TENM1: variants seen among roughly 807,000 people sequenced by gnomAD.
TENM1 encodes the protein teneurin-1.
Under a neutral mutation model 174.8 loss-of-function variants are expected in TENM1, and 35 were observed. That is an observed-to-expected ratio of 0.20 (90% CI 0.15 to 0.27). TENM1 has a LOEUF of 0.27. TENM1 is among the 10% of genes least tolerant of loss of function. TENM1 has a pLI of 1.00. For missense variants in TENM1, 1,633 were observed against 2,130.1 expected (o/e 0.77, Z 4.59); for synonymous variants, 781 against 798.7 (o/e 0.98, Z 0.37).
intron 15 of TENM1, among the ~76,000 whole-genome samples, chrX:124,544,377 G>T (rs2048385847): frequency 8.9e-6 from 1 of 112,079 alleles, no homozygotes; most frequent in Admixed American, 9.5e-5. Context: ...CATTTACTGG[G>T]CATCTCTGTT....
the TENM1 span, among the ~76,000 whole-genome samples, chrX:125,056,524 C>T: frequency 9.0e-6 from 1 of 111,287 alleles, no homozygotes; most frequent in East Asian, 2.8e-4. Flanking sequence ...TCCAGGGGCT[C>T]TTCCTCATTT....
At chrX:125,174,595 G>T in the TENM1 span, among the ~76,000 whole-genome samples, 15 of 111,426 alleles carry the variant, frequency 1.3e-4, no homozygotes, top group African/African-American at 4.6e-4. Context: ...TCATGTTTTA[G>T]TGGGGTCACA....
chrX:124,821,981 G>A lies in TENM1; in HGVS notation c.535+72315C>T, dbSNP rs1603229810. Among the ~76,000 whole-genome samples the A allele has an allele frequency of 3.6e-5, 4 of 111,794 alleles. No individual in the cohort carries two copies. The Admixed American group carries it at 3.8e-4, about 11-fold the overall frequency. The stretch of plus-strand genomic sequence containing the variant: ...TTCAAGAATGATAATAATAATAGCT[G>A]GGGCAGAGACTATTAGCTATCCACC... On this transcript the variant is annotated intron_variant, in intron 3 of 31. Transcript: ENST00000422452.
At chrX:124,936,629 C>T (rs779243889) in intron 1 of TENM1, among the ~76,000 whole-genome samples, 1 of 112,233 alleles carries the variant, frequency 8.9e-6, no homozygotes, top group East Asian at 2.8e-4. Context: ...TAAGCAAATG[C>T]AAAATAAATA....
intron 22 of TENM1, among the ~76,000 whole-genome samples, chrX:124,481,363 T>A (rs2046838432): frequency 9.0e-6 from 1 of 111,053 alleles, no homozygotes; most frequent in Non-Finnish European, 1.9e-5. Context: ...GGCTCTCTGC[T>A]GGGTCAGGTT....
chrX:125,189,724 G>A, the TENM1 span, among the ~76,000 whole-genome samples: 2 of 111,867 alleles, frequency 1.8e-5, no homozygotes, highest in Non-Finnish European at 3.8e-5. Context: ...GCAGAAGAAG[G>A]GCCTAAAAGC....
intron 22 of TENM1, 38 bp downstream of exon 25, chrX:124,481,694 G>GATAT (rs769053821): frequency 2.4e-4 from 33 of 137,556 alleles, no homozygotes; most frequent in Middle Eastern, 5.7e-3. Context: ...ATGACCCAAG[G>GATAT]GTATATATAT....
the TENM1 span, among the ~76,000 whole-genome samples, chrX:125,010,419 G>A: frequency 9.1e-6 from 1 of 109,717 alleles, no homozygotes; most frequent in Admixed American, 9.8e-5. Flanking sequence ...TCAGGGATAG[G>A]AAGAATCAAT....
At chrX:124,651,825 G>A (rs1275158266) in intron 8 of TENM1, 89 bp downstream of exon 11, 5 of 1,116,220 alleles carry the variant, frequency 4.5e-6, no homozygotes, top group Non-Finnish European at 5.9e-6. Flanking sequence ...TGAGCAATAA[G>A]CTTAAATAAC....
intron 16 of TENM1, among the ~76,000 whole-genome samples, chrX:124,524,827 C>T (rs1406915886): frequency 9.0e-6 from 1 of 111,202 alleles, no homozygotes; most frequent in African/African-American, 3.3e-5. Context: ...TTTGAGATGA[C>T]GTACTTGAGA....
chrX:124,518,335 C>A (rs2047763146), intron 18 of TENM1, among the ~76,000 whole-genome samples: 1 of 107,668 alleles, frequency 9.3e-6, no homozygotes, highest in African/African-American at 3.4e-5. Context: ...GGAATGCAGT[C>A]CATGGAAGCC....
chrX:125,117,116 A>T, the TENM1 span, among the ~76,000 whole-genome samples: 1 of 111,390 alleles, frequency 9.0e-6, no homozygotes, highest in Non-Finnish European at 1.9e-5. Context: ...TAGTTCAACC[A>T]TTGTGGAAGA....
intron 27 of TENM1, among the ~76,000 whole-genome samples, chrX:124,394,909 G>T: frequency 2.7e-5 from 1 of 37,501 alleles, no homozygotes; most frequent in Middle Eastern, 0.013. Flanking sequence ...CTCCCAATTA[G>T]AAATCAGAAA....
intron 3 of TENM1, among the ~76,000 whole-genome samples, chrX:124,821,495 GA>G (rs1445514290): frequency 8.9e-6 from 1 of 112,365 alleles, no homozygotes; most frequent in Non-Finnish European, 1.9e-5. Flanking sequence ...AATAGTTCAT[GA>G]AAAGAGAACT....
upstream of TENM1, chrX:124,963,957 C>T (rs1037915828): frequency 1.9e-5 from 8 of 414,020 alleles, no homozygotes; most frequent in Admixed American, 9.1e-5. Context: ...TGAAGCTAGC[C>T]GGAGGCAATA....
chrX:125,059,548 T>C, the TENM1 span, among the ~76,000 whole-genome samples: 1 of 111,177 alleles, frequency 9.0e-6, no homozygotes, highest in Non-Finnish European at 1.9e-5. Flanking sequence ...ATCTCTAGAC[T>C]TGTTCATGCT....
chrX:124,447,995 C>T (rs970263173), intron 23 of TENM1, among the ~76,000 whole-genome samples: 2 of 111,491 alleles, frequency 1.8e-5, no homozygotes, highest in African/African-American at 3.3e-5. Flanking sequence ...GGCACCTCAA[C>T]GTACCCCAAA....
chrX:124,435,390 A>T (rs2060826748), intron 23 of TENM1, among the ~76,000 whole-genome samples: 1 of 111,862 alleles, frequency 8.9e-6, no homozygotes, highest in African/African-American at 3.3e-5. Context: ...CTTTTATGAA[A>T]TGGTCTGATT....
chrX:125,079,536 T>G, the TENM1 span, among the ~76,000 whole-genome samples: 1 of 112,055 alleles, frequency 8.9e-6, no homozygotes, highest in Non-Finnish European at 1.9e-5. Flanking sequence ...ATGATTTATA[T>G]TGAATGATTT....
Sources: allele counts gnomAD v4.1 joint callset (sites outside exome capture counted in the v4.1 genomes callset), GRCh38; gene constraint gnomAD v4.1.1; transcripts MANE v1.5; gene names NCBI Gene and HGNC (gene_info 2026-07-23, HGNC 2026-07-21).